RIMS2: variants seen among roughly 807,000 people sequenced by gnomAD.
The protein encoded by RIMS2 is regulating synaptic membrane exocytosis 2.
RIMS2 carries 59 observed loss-of-function variants against 174.4 expected under a neutral mutation model. The ratio of observed to expected loss-of-function variants is 0.34; its 90% CI spans 0.27 to 0.42. The LOEUF is 0.42. Ranked by LOEUF, RIMS2 falls within the 10% of genes least tolerant of loss-of-function variation. The probability of loss-of-function intolerance (pLI) is 1.00; values close to 1 mark genes in which losing one functional copy is unlikely to be tolerated. For missense variants in RIMS2, 1,620 were observed against 1,666.3 expected (o/e 0.97, Z 0.48); for synonymous variants, 606 against 572.5 (o/e 1.06, Z -0.84).
chr8:103,849,764 G>A (rs1189255230), intron 3 of RIMS2, among the ~76,000 whole-genome samples: 1 of 151,962 alleles, frequency 6.6e-6, no homozygotes, highest in Non-Finnish European at 1.5e-5. Context: ...GACTGGTAAA[G>A]GGTATCTGTA....
intron 2 of RIMS2, among the ~76,000 whole-genome samples, chr8:103,746,573 T>G (rs1035946207): frequency 6.6e-6 from 1 of 152,130 alleles, no homozygotes; most frequent in Admixed American, 6.5e-5. Flanking sequence ...TAGTATCCAT[T>G]AGTTGTTTTC....
chr8:103,748,412 C>T (rs2097847251), intron 2 of RIMS2, among the ~76,000 whole-genome samples: 1 of 152,080 alleles, frequency 6.6e-6, no homozygotes, highest in Non-Finnish European at 1.5e-5. Context: ...CCCACCTCTG[C>T]ACTCCAGCCT....
chr8:103,851,644 T>TACACAC (rs10529078), intron 3 of RIMS2, among the ~76,000 whole-genome samples: 168 of 136,600 alleles, frequency 1.2e-3, no homozygotes, highest in East Asian at 3.7e-3. Context: ...GAATGCTATG[T>TACACAC]ACACACACAC....
intron 3 of RIMS2, among the ~76,000 whole-genome samples, chr8:103,854,252 G>T (rs1184114371): frequency 6.6e-6 from 1 of 151,872 alleles, no homozygotes; most frequent in Non-Finnish European, 1.5e-5. Context: ...AGTTCTAGTA[G>T]ACTTTTGGCA....
chr8:103,740,735 T>G (rs2097753865), intron 2 of RIMS2, among the ~76,000 whole-genome samples: 1 of 152,182 alleles, frequency 6.6e-6, no homozygotes, highest in Non-Finnish European at 1.5e-5. Flanking sequence ...ATACGACCTT[T>G]TACAGTAAAA....
chr8:104,251,027 C>T lies in RIMS2; in HGVS notation c.3695C>T (p.Pro1232Leu), dbSNP rs1367265772. 1.2e-6 allele frequency: 2 copies of T among 1,612,330 alleles called. No individual in the cohort carries two copies. Among genetic ancestry groups the T allele is most frequent in the African/African-American group, 1.3e-5 (1 of 74,872 alleles). The change falls in exon 23 of 24, where the codon CCG becomes CTG. Residue 1232 changes from proline (P) to leucine (L), a missense_variant. Pro to Leu is a moderately conservative substitution (Grantham distance 98). Transcript: ENST00000504942. The stretch of plus-strand genomic sequence containing the variant: ...CCTCTGTGTTTTCTTTCCCAAGCAC[C>T]GTATGTAAAAGTGTATCTATTAGAT...
intron 1 of RIMS2, among the ~76,000 whole-genome samples, chr8:103,557,104 A>C (rs1200124294): frequency 1.3e-5 from 2 of 152,228 alleles, no homozygotes; most frequent in East Asian, 3.8e-4. Context: ...ATTAAATGAA[A>C]AAATGTATGT....
chr8:104,148,821 C>A, intron 19 of RIMS2: 2 of 1,598,308 alleles, frequency 1.3e-6, no homozygotes, highest in South Asian at 2.2e-5. Context: ...ACGGAAAAGT[C>A]GCAGTGCTTC....
chr8:103,857,733 C>T (rs1159700270), intron 3 of RIMS2, among the ~76,000 whole-genome samples: 6 of 152,294 alleles, frequency 3.9e-5, no homozygotes, highest in South Asian at 2.1e-4. Flanking sequence ...ATAATAGTCA[C>T]CAGATCCAGA....
chr8:103,878,698 C>CT (rs58940277), intron 3 of RIMS2, among the ~76,000 whole-genome samples: 111 of 141,372 alleles, frequency 7.9e-4, no homozygotes, highest in Middle Eastern at 7.3e-3. Context: ...TGGTCTTGAG[C>CT]TTTTTTTTTT....
chr8:103,918,427 T>G lies in RIMS2; in HGVS notation c.2037-14T>G, dbSNP rs1389027052. ...AACAGTTTCTGTCTTTCTTTTTTTT[T>G]TTAATCATTTCAGAGATATACCGCG... On this transcript the variant is annotated splice_polypyrimidine_tract_variant and intron_variant, in intron 8 of 23. Coordinates refer to ENST00000504942, the Ensembl canonical transcript of RIMS2. The G allele has an allele frequency of 6.6e-7, 1 of 1,522,542 alleles. No homozygotes were observed. The highest frequency in any genetic ancestry group is 1.4e-5 in the African/African-American group (1 of 71,122). The allele number at this position is 1,522,542 out of a possible 1,614,324, so 94.3% of individuals were successfully genotyped here.
At chr8:103,966,657 T>A (rs1206603551) in intron 15 of RIMS2, among the ~76,000 whole-genome samples, 1 of 152,100 alleles carries the variant, frequency 6.6e-6, no homozygotes, top group Non-Finnish European at 1.5e-5. Flanking sequence ...ACTGCTTACT[T>A]TGCATTTAAT....
At chr8:104,051,538 T>C (rs1347993382) in intron 19 of RIMS2, among the ~76,000 whole-genome samples, 5 of 151,006 alleles carry the variant, frequency 3.3e-5, no homozygotes, top group Non-Finnish European at 7.4e-5. Flanking sequence ...CATAGGGAAA[T>C]CAGATGAAAT....
intron 1 of RIMS2, among the ~76,000 whole-genome samples, chr8:103,683,911 G>C (rs2096908896): frequency 6.6e-6 from 1 of 152,080 alleles, no homozygotes; most frequent in African/African-American, 2.4e-5. Context: ...GACAGAAAAA[G>C]TTAATAAAAT....
chr8:103,658,051 A>C (rs2096552649), intron 1 of RIMS2, among the ~76,000 whole-genome samples: 1 of 152,200 alleles, frequency 6.6e-6, no homozygotes, highest in Non-Finnish European at 1.5e-5. Flanking sequence ...AACTGCTATA[A>C]TGACTAGGAT....
At chr8:104,043,616 A>G (rs2096645952) in intron 19 of RIMS2, among the ~76,000 whole-genome samples, 1 of 151,654 alleles carries the variant, frequency 6.6e-6, no homozygotes, top group Non-Finnish European at 1.5e-5. Flanking sequence ...GGTCTCAATG[A>G]TAGAACTGAA....
chr8:103,783,778 TG>T (rs1172303813), intron 3 of RIMS2, among the ~76,000 whole-genome samples: 3 of 149,990 alleles, frequency 2.0e-5, no homozygotes, highest in Non-Finnish European at 4.5e-5. Flanking sequence ...TTTGGGTATA[TG>T]CCCAGTAATG....
intron 9 of RIMS2, 174 bp downstream of exon 12, chr8:103,918,661 A>C: frequency 1.7e-6 from 1 of 581,626 alleles, no homozygotes; most frequent in East Asian, 2.8e-5. Context: ...GGGAAAAACA[A>C]AAATGTAGAA....
intron 19 of RIMS2, among the ~76,000 whole-genome samples, chr8:104,184,310 G>A (rs967890499): frequency 2.0e-5 from 3 of 151,486 alleles, no homozygotes; most frequent in Non-Finnish European, 4.4e-5. Flanking sequence ...TGGGTAATAT[G>A]CCTCTAAAGA....
Sources: gnomAD v4.1 joint callset for allele counts (sites outside exome capture counted in the v4.1 genomes callset) on GRCh38, gnomAD v4.1.1 for gene constraint, MANE v1.5 for transcripts, NCBI Gene and HGNC (gene_info 2026-07-23, HGNC 2026-07-21) for gene names.